PAMR1: variants seen among roughly 807,000 people sequenced by gnomAD.
PAMR1 encodes inactive serine protease PAMR1.
Under a neutral mutation model 81.8 loss-of-function variants are expected in PAMR1, and 88 were observed. The observed-to-expected ratio is 1.08, with a 90% CI of 0.91 to 1.28. PAMR1 has a LOEUF of 1.28. Among genes scored for constraint, PAMR1 ranks in the 50% most tolerant of loss-of-function variants. The pLI is 0.00. For missense variants in PAMR1, 935 were observed against 919.7 expected, an observed-to-expected ratio of 1.02 and a Z score of -0.21; for synonymous variants, 336 against 345.3, an observed-to-expected ratio of 0.97 and a Z score of 0.30.
intron 1 of PAMR1, among the ~76,000 whole-genome samples, chr11:35,495,639 G>T (rs1278317453): frequency 2.0e-5 from 3 of 152,128 alleles, no homozygotes; most frequent in Non-Finnish European, 4.4e-5. Context: ...GAAACTCCAG[G>T]CAGGGATCAC....
intron 2 of PAMR1, among the ~76,000 whole-genome samples, chr11:35,493,417 C>T (rs1850665168): frequency 6.6e-6 from 1 of 151,736 alleles, no homozygotes; most frequent in African/African-American, 2.4e-5. Flanking sequence ...CATTAATTCC[C>T]TCTCACTCTC....
chr11:35,494,033 C>A, intron 2 of PAMR1, 63 bp downstream of exon 2: 5 of 1,330,278 alleles, frequency 3.8e-6, no homozygotes, highest in Non-Finnish European at 5.4e-6. Flanking sequence ...GGCGTTCAGC[C>A]TGTTCCTGTT....
intron 6 of PAMR1, among the ~76,000 whole-genome samples, chr11:35,458,608 T>C (rs879177836): frequency 6.6e-6 from 1 of 152,122 alleles, no homozygotes; most frequent in Non-Finnish European, 1.5e-5. Flanking sequence ...GTCAGCAAAA[T>C]TGATGACTGT....
rs189953144 is a variant in PAMR1 at position 35,462,752 on chromosome 11, A to T, written c.820+5249T>A. ...TGGTATTATTTTTCTGGAGGTTATA[A>T]ATGGGGAAAGTGAGGCTCATAGGAG... On this transcript the variant is annotated intron_variant, in intron 6 of 10. Coordinates refer to ENST00000619888, the MANE Select transcript of PAMR1 (RefSeq NM_001001991.3). 7.9e-5 allele frequency among the ~76,000 whole-genome samples: 12 copies of T among 152,258 alleles called. No individual in the cohort carries two copies. The East Asian group carries it at 2.3e-3, about 29-fold the overall frequency.
chr11:35,505,099 C>T (rs532920516), intron 1 of PAMR1, among the ~76,000 whole-genome samples: 27 of 151,958 alleles, frequency 1.8e-4, no homozygotes, highest in African/African-American at 6.0e-4. Flanking sequence ...TTCTTAATTT[C>T]TTTATTGACC....
chr11:35,507,053 T>A (rs797016156), intron 1 of PAMR1, among the ~76,000 whole-genome samples: 9 of 141,900 alleles, frequency 6.3e-5, no homozygotes, highest in African/African-American at 2.4e-4. Flanking sequence ...TTTTTTTTTT[T>A]TTTTTTTTTT....
intron 2 of PAMR1, 93 bp downstream of exon 2, chr11:35,494,003 T>C (rs1850675111): frequency 1.0e-6 from 1 of 965,234 alleles, no homozygotes; most frequent in Non-Finnish European, 1.6e-6. Flanking sequence ...AGCCTCCTGA[T>C]GGCTGCCTGC....
chr11:35,473,045 G>T (rs922837202), intron 4 of PAMR1, among the ~76,000 whole-genome samples: 2 of 152,164 alleles, frequency 1.3e-5, no homozygotes, highest in East Asian at 1.9e-4. Flanking sequence ...GTGGGAGATG[G>T]GTGTGGCTTG....
intron 3 of PAMR1, among the ~76,000 whole-genome samples, chr11:35,490,783 T>G (rs1850609408): frequency 6.6e-6 from 1 of 152,242 alleles, no homozygotes; most frequent in Admixed American, 6.5e-5. Context: ...CATTATCTCA[T>G]TTAATCCTCA....
chr11:35,432,918 A>G lies in PAMR1; in HGVS notation c.1627-26T>C, dbSNP rs527498301. The G allele has an allele frequency of 5.2e-5, 80 of 1,540,600 alleles. 1 individual carries two copies. In the South Asian group the frequency reaches 9.4e-4, roughly 18 times the overall value. Reference sequence around the variant, plus strand: ...CTACAAATGCAAGGAATGGGCAGCAATGGTGAGGAGCCAGCTCCACAGTGG... The same window carrying G: ...CTACAAATGCAAGGAATGGGCAGCAGTGGTGAGGAGCCAGCTCCACAGTGG... On this transcript the variant is annotated intron_variant, in intron 10 of 10. Coordinates refer to ENST00000619888, the MANE Select transcript of PAMR1 (RefSeq NM_001001991.3).
At chr11:35,512,402 C>A (rs1007410870) in intron 1 of PAMR1, among the ~76,000 whole-genome samples, 1 of 152,160 alleles carries the variant, frequency 6.6e-6, no homozygotes, top group African/African-American at 2.4e-5. Context: ...CCAGGTAACA[C>A]GGCTTTCAGG....
intron 6 of PAMR1, among the ~76,000 whole-genome samples, chr11:35,461,684 T>G (rs1856658573): frequency 6.6e-6 from 1 of 152,062 alleles, no homozygotes; most frequent in South Asian, 2.1e-4. Context: ...TTCTACTATG[T>G]TCAGTGGCAG....
chr11:35,479,736 A>T (rs1052667033), intron 3 of PAMR1, among the ~76,000 whole-genome samples: 3 of 152,238 alleles, frequency 2.0e-5, no homozygotes, highest in African/African-American at 4.8e-5. Flanking sequence ...AGAGGATAAA[A>T]GAAGGGGCTC....
chr11:35,488,858 C>A (rs1850563758), intron 3 of PAMR1, among the ~76,000 whole-genome samples: 2 of 151,994 alleles, frequency 1.3e-5, no homozygotes, highest in African/African-American at 4.8e-5. Flanking sequence ...AGGCATGAGC[C>A]ACTGCGCCCT....
At chr11:35,441,736 G>C in intron 6 of PAMR1, 43 bp from the exon 7 acceptor site, 1 of 1,347,478 alleles carries the variant, frequency 7.4e-7, no homozygotes, top group Non-Finnish European at 1.0e-6. Context: ...AAAAGTCTGA[G>C]TTATTCCATT....
chr11:35,451,925 C>A, intron 6 of PAMR1: 1 of 698,766 alleles, frequency 1.4e-6, no homozygotes. Flanking sequence ...TCTTGGACTT[C>A]CCAGCCTCCA....
upstream of PAMR1, among the ~76,000 whole-genome samples, chr11:35,526,725 C>T (rs534794731): frequency 3.9e-4 from 59 of 152,308 alleles, 1 homozygote; most frequent in South Asian, 0.011. Context: ...TCTTAGGATG[C>T]TACATATGCA....
At chr11:35,494,357 G>A (rs1393506395) in intron 1 of PAMR1, 85 bp from the exon 2 acceptor site, 17 of 1,197,158 alleles carry the variant, frequency 1.4e-5, no homozygotes, top group Middle Eastern at 2.0e-4. Context: ...GTTTTGAGAC[G>A]GAGTCTTGCT....
At chr11:35,489,358 T>C (rs1280447489) in intron 3 of PAMR1, among the ~76,000 whole-genome samples, 1 of 152,220 alleles carries the variant, frequency 6.6e-6, no homozygotes, top group Admixed American at 6.5e-5. Context: ...ACTCTTGAGA[T>C]TCCTTACCCC....
Sources: gnomAD v4.1 joint callset for allele counts (sites outside exome capture counted in the v4.1 genomes callset) on GRCh38, gnomAD v4.1.1 for gene constraint, MANE v1.5 for transcripts, NCBI Gene and HGNC (gene_info 2026-07-23, HGNC 2026-07-21) for gene names.